KCNQ1: variants seen among roughly 807,000 people sequenced by gnomAD.
The protein encoded by KCNQ1 is potassium voltage-gated channel subfamily Q member 1, also known as potassium voltage-gated channel subfamily KQT member 1.
KCNQ1 carries 49 observed loss-of-function variants against 72.4 expected under a neutral mutation model. The ratio of observed to expected loss-of-function variants is 0.68; its 90% CI spans 0.54 to 0.86. The LOEUF is 0.86. Among genes scored for constraint, KCNQ1 ranks in the 40% least tolerant of loss-of-function variants. The pLI is 0.00. For missense variants in KCNQ1, 790 were observed against 945.1 expected (o/e 0.84, Z 2.15); for synonymous variants, 450 against 412.6 (o/e 1.09, Z -1.10).
In KCNQ1 at chr11:2,829,559, A is replaced by G. The variant is rs540372928; in HGVS notation, c.1795-18208A>G. Among the ~76,000 whole-genome samples the G allele has an allele frequency of 3.3e-5, 5 of 152,358 alleles. No homozygotes were observed. The South Asian group carries it at 1.0e-3, about 32-fold the overall frequency. On this transcript the variant is annotated intron_variant, in intron 15 of 15. Coordinates refer to ENST00000155840, the MANE Select transcript of KCNQ1 (RefSeq NM_000218.3). ...TATACTGTTTGTGTAAAATGCAAAC[A>G]GTAAGTACTTATTTAGCCTAGAATT...
chr11:2,614,201 C>T, intron 10 of KCNQ1: 3 of 398,556 alleles, frequency 7.5e-6, no homozygotes, highest in Middle Eastern at 6.3e-4. Context: ...GGTGCCACCT[C>T]AAATCTTAGT....
At chr11:2,615,325 G>C (rs1849043119) in intron 10 of KCNQ1, 1 of 397,876 alleles carries the variant, frequency 2.5e-6, no homozygotes, top group African/African-American at 2.1e-5. Flanking sequence ...CTAGATAGAA[G>C]ATGTCATTAT....
At chr11:2,721,871 C>T (rs1328324846) in intron 11 of KCNQ1, among the ~76,000 whole-genome samples, 1 of 152,230 alleles carries the variant, frequency 6.6e-6, no homozygotes, top group Non-Finnish European at 1.5e-5. Flanking sequence ...GAGGCCTTGT[C>T]CCCTTTGCCA....
At chr11:2,530,561 G>A (rs1285046732) in intron 2 of KCNQ1, among the ~76,000 whole-genome samples, 1 of 152,236 alleles carries the variant, frequency 6.6e-6, no homozygotes, top group Non-Finnish European at 1.5e-5. Flanking sequence ...CCACATGCAC[G>A]GGAATGTGTA....
chr11:2,597,188 A>G (rs1848744967), intron 10 of KCNQ1, among the ~76,000 whole-genome samples: 1 of 152,140 alleles, frequency 6.6e-6, no homozygotes, highest in South Asian at 2.1e-4. Flanking sequence ...GTTTGATAAC[A>G]CTCTATGGGT....
chr11:2,768,991 C>T lies in KCNQ1; in HGVS notation c.1590+72C>T. The stretch of plus-strand genomic sequence containing the variant: ...CCTGATGCAGCTGCCCACACCTCTC[C>T]TGGGTTCTCTCCTGCCCATAGTGGA... On this transcript the variant is annotated intron_variant, in intron 12 of 15. Coordinates refer to ENST00000155840, the MANE Select transcript of KCNQ1 (RefSeq NM_000218.3). The surrounding 1 kb of genome is among the most constrained non-coding windows in gnomAD (Gnocchi z 6.7). The T allele has an allele frequency of 7.9e-7, 1 of 1,261,146 alleles. No individual in the cohort carries two copies. The highest frequency in any genetic ancestry group is 1.5e-5 in the African/African-American group (1 of 68,172). 78.1% of individuals were successfully genotyped at this position (1,261,146 alleles called of 1,614,324 possible).
chr11:2,481,148 C>G lies in KCNQ1; in HGVS notation c.386+35664C>G, dbSNP rs1846644502. On this transcript the variant is annotated intron_variant, in intron 1 of 15. Coordinates refer to ENST00000155840, the MANE Select transcript of KCNQ1 (RefSeq NM_000218.3). This position sits in a 1 kb window ranked among gnomAD's most constrained non-coding sequence, Gnocchi z 4.6. ...GATGCGATGTGTGATGTCACTAGTTCTCATCCAAAGCAGATGACAATTCCA... is the reference window on the plus strand; with the variant it reads ...GATGCGATGTGTGATGTCACTAGTTGTCATCCAAAGCAGATGACAATTCCA... Among the ~76,000 whole-genome samples the G allele has an allele frequency of 6.6e-6, 1 of 152,200 alleles. No individual in the cohort carries two copies. Among genetic ancestry groups the G allele is most frequent in the Admixed American group, 6.5e-5 (1 of 15,282 alleles).
At chr11:2,739,071 G>T (rs536272052) in intron 11 of KCNQ1, among the ~76,000 whole-genome samples, 51 of 152,294 alleles carry the variant, frequency 3.3e-4, no homozygotes, top group African/African-American at 1.1e-3. Flanking sequence ...TGCTGCCTCC[G>T]CCTCCCTGTG....
intron 11 of KCNQ1, chr11:2,697,705 T>A: frequency 2.5e-6 from 1 of 398,644 alleles, no homozygotes; most frequent in East Asian, 3.6e-5. Flanking sequence ...ATCTTTGCAT[T>A]CCTAAGAGCA....
intron 8 of KCNQ1, among the ~76,000 whole-genome samples, chr11:2,585,793 C>G (rs1290980599): frequency 6.6e-6 from 1 of 152,290 alleles, no homozygotes; most frequent in Non-Finnish European, 1.5e-5. Flanking sequence ...GCATGGGCCT[C>G]CCTCTGGGCT....
chr11:2,505,238 T>C lies in KCNQ1; in HGVS notation c.387-22690T>C, dbSNP rs147006884. Among the ~76,000 whole-genome samples, 830 of 152,326 alleles carry C rather than the reference T, an allele frequency of 5.4e-3. 2 individuals carry two copies. Among genetic ancestry groups the C allele is most frequent in the African/African-American group, 0.019 (782 of 41,578 alleles). ...TCCCTCTGCCCCCCTTTTTCTTTGA[T>C]TCATTGGTTAAGAGTATGTTGTTTC... On this transcript the variant is annotated intron_variant, in intron 1 of 15. Transcript: ENST00000155840.
At chr11:2,820,958 C>G (rs1287785243) in intron 15 of KCNQ1, among the ~76,000 whole-genome samples, 1 of 152,272 alleles carries the variant, frequency 6.6e-6, no homozygotes, top group African/African-American at 2.4e-5. Flanking sequence ...CTGGCCCGTG[C>G]TGGGCCTCGG....
Position 2,446,871 on chromosome 11 carries a change from G to A in KCNQ1, c.386+1387G>A, listed in dbSNP as rs1434864533. 3.3e-5 allele frequency among the ~76,000 whole-genome samples: 5 copies of A among 152,206 alleles called. No individual in the cohort carries two copies. Among genetic ancestry groups the A allele is most frequent in the African/African-American group, 9.6e-5 (4 of 41,458 alleles). ...CAGCGGGGGCTCGGCTTGGGGTTTG[G>A]GAGATATTTGTGTGCAGTGACCCCA... On this transcript the variant is annotated intron_variant, in intron 1 of 15. Transcript: ENST00000155840. The surrounding 1 kb of genome is among the most constrained non-coding windows in gnomAD (Gnocchi z 8.8).
At position 2,703,662 on chromosome 11, in the gene KCNQ1, C is replaced by T. The variant is rs746865880; in HGVS notation, c.1514+41581C>T. Among the ~76,000 whole-genome samples, 22 of 152,074 alleles carry T rather than the reference C, an allele frequency of 1.4e-4. No individual in the cohort carries two copies. The highest frequency in any genetic ancestry group is 6.5e-4 in the Admixed American group (10 of 15,278). On this transcript the variant is annotated intron_variant, in intron 11 of 15. Transcript: ENST00000155840. This position sits in a 1 kb window ranked among gnomAD's most constrained non-coding sequence, Gnocchi z 6.4. ...GAAGTGCAGATGGGGCCCAGAGCCC[C>T]GGCGGTGTCCCAGGGGAAACACCAG...
chr11:2,777,951 G>C, intron 14 of KCNQ1, 25 bp from the exon 15 acceptor site: 1 of 1,613,202 alleles, frequency 6.2e-7, no homozygotes, highest in East Asian at 2.2e-5. Flanking sequence ...ACTTGGCCCT[G>C]ATTTGGGTGT....
chr11:2,618,603 T>C (rs1406098488), intron 10 of KCNQ1: 1 of 398,480 alleles, frequency 2.5e-6, no homozygotes, highest in Non-Finnish European at 4.4e-6. Flanking sequence ...ATCAATAGTT[T>C]TGTAAAATAA....
rs181603319 is a variant in KCNQ1 at position 2,815,076 on chromosome 11, G to A, written c.1795-32691G>A. Among the ~76,000 whole-genome samples, 367 of 152,354 alleles carry A rather than the reference G, an allele frequency of 2.4e-3. 2 individuals are homozygous for A. The highest frequency in any genetic ancestry group is 8.1e-3 in the African/African-American group (335 of 41,584). On this transcript the variant is annotated intron_variant, in intron 15 of 15. Coordinates refer to ENST00000155840, the MANE Select transcript of KCNQ1 (RefSeq NM_000218.3). The surrounding 1 kb of genome is among the most constrained non-coding windows in gnomAD (Gnocchi z 5.4). ...CAACCATCATCCAGGCACCTGCTGC[G>A]TGCTGAGCACCATGCTGGGTGCTTC... is the stretch of plus-strand genomic sequence containing the variant.
At chr11:2,728,491 A>G (rs547166973) in intron 11 of KCNQ1, among the ~76,000 whole-genome samples, 47 of 152,242 alleles carry the variant, frequency 3.1e-4, no homozygotes, top group Non-Finnish European at 5.9e-4. Flanking sequence ...CTAATTCTGC[A>G]GCCTCTGGCT....
At chr11:2,819,785 G>A (rs1204970873) in intron 15 of KCNQ1, among the ~76,000 whole-genome samples, 1 of 152,142 alleles carries the variant, frequency 6.6e-6, no homozygotes, top group African/African-American at 2.4e-5. Flanking sequence ...TAGGTAACTG[G>A]CATTTGTGTC....
Sources: gnomAD v4.1 joint callset for allele counts (sites outside exome capture counted in the v4.1 genomes callset) on GRCh38, gnomAD v4.1.1 for gene constraint, Gnocchi (gnomAD v3.1) non-coding constraint, MANE v1.5 for transcripts, NCBI Gene and HGNC (gene_info 2026-07-23, HGNC 2026-07-21) for gene names.